TTN: variants seen among roughly 807,000 people sequenced by gnomAD.
The protein encoded by TTN is connectin.
In TTN, 1,525 loss-of-function variants were observed where a neutral mutation model predicts 3,223.0. The observed-to-expected ratio is 0.47, with a 90% CI of 0.45 to 0.49. TTN has a LOEUF of 0.49. Ranked by LOEUF, TTN falls within the 20% of genes least tolerant of loss-of-function variation. The pLI is 0.00. For synonymous variants in TTN, 14,094 were observed against 15,161.0 expected (o/e 0.93, Z 5.17); for missense variants, 40,786 against 43,424.0 (o/e 0.94, Z 5.40).
Position 178,713,936 on chromosome 2 carries a change from C to T in TTN, c.26722G>A (p.Val8908Ile). The T allele has an allele frequency of 6.2e-7, 1 of 1,613,650 alleles. No homozygotes were observed. Among genetic ancestry groups the T allele is most frequent in the Non-Finnish European group, 8.5e-7 (1 of 1,179,678 alleles). ...GVYSFEVQNP[V>I]GKDSCTASLQ... ...GAAGCTGTGCAGCTGTCTTTGCCAA[C>T]AGGGTTCTGCACCTCAAAACTGTAT... Residue 8908 changes from valine to isoleucine, a missense_variant, in exon 92 of 363, where the codon GTT becomes ATT. Coordinates refer to ENST00000589042, the MANE Select transcript of TTN (RefSeq NM_001267550.2).
Position 178,653,059 on chromosome 2 carries a change from C to T in TTN, c.38857G>A (p.Glu12953Lys). ...CAAATACCTTTAACAGGTGGGACTT[C>T]AGGTTTTTTAGGAGGAGTCACTGGC... ...KVPVTPPKKP[E>K]VPPVKVPEAP... Residue 12953 changes from glutamate (E) to lysine (K), a missense_variant, in exon 199 of 363, where the codon GAA becomes AAA. Physicochemically the swap from Glu to Lys is moderately conservative, Grantham distance 56. Coordinates refer to ENST00000589042, the MANE Select transcript of TTN (RefSeq NM_001267550.2). 2 of 1,613,336 alleles carry T rather than the reference C, an allele frequency of 1.2e-6. No homozygotes were observed. Among genetic ancestry groups the T allele is most frequent in the Non-Finnish European group, 1.7e-6 (2 of 1,179,558 alleles).
At chr2:178,715,933 A>C (rs1377400169) in intron 88 of TTN, among the ~76,000 whole-genome samples, 159 bp from the exon 89 acceptor site, 1 of 152,164 alleles carries the variant, frequency 6.6e-6, no homozygotes, top group East Asian at 1.9e-4. Context: ...CTAAATAGAA[A>C]ATTTCTAAAA....
At position 178,567,911 on chromosome 2, in the gene TTN, C is replaced by T; in HGVS notation, c.78221G>A (p.Gly26074Asp). ...RVYAENIVGVGKASKNSECYV... is the reference protein window; with the variant it reads ...RVYAENIVGVDKASKNSECYV... ...GCATTCAGAATTCTTGCTTGCTTTGCCTACACCAACAATATTTTCAGCATA... is the reference window on the plus strand; with the variant it reads ...GCATTCAGAATTCTTGCTTGCTTTGTCTACACCAACAATATTTTCAGCATA... The change falls in exon 326 of 363, where the codon GGC becomes GAC. Residue 26074 changes from glycine (G) to aspartate (D), a missense_variant. Coordinates refer to ENST00000589042, the MANE Select transcript of TTN (RefSeq NM_001267550.2). 1 of 1,613,502 alleles carries T rather than the reference C, an allele frequency of 6.2e-7. No individual in the cohort carries two copies. The highest frequency in any genetic ancestry group is 8.5e-7 in the Non-Finnish European group (1 of 1,179,580).
rs1433228812 is a variant in TTN, at chr2:178,556,922, A to T, written c.88232T>A (p.Phe29411Tyr). 6.2e-7 allele frequency: 1 copy of T among 1,613,860 alleles called. No homozygotes were observed. The highest frequency in any genetic ancestry group is 2.2e-5 in the East Asian group (1 of 44,798). Reference sequence around the variant, plus strand: ...AATGGAACCAACAGCATTCCTAGCAAAGACACGGAATTCATACTGGGAATT... The same window carrying T: ...AATGGAACCAACAGCATTCCTAGCATAGACACGGAATTCATACTGGGAATT... ...TQNSQYEFRV[F>Y]ARNAVGSISN... The change falls in exon 330 of 363, where the codon TTT becomes TAT. Residue 29411 changes from phenylalanine to tyrosine, a missense_variant. Coordinates refer to ENST00000589042, the MANE Select transcript of TTN (RefSeq NM_001267550.2).
chr2:178,579,382 G>A lies in TTN; in HGVS notation c.67648C>T (p.Leu22550Phe). The A allele has an allele frequency of 1.9e-6, 3 of 1,568,036 alleles. No individual in the cohort carries two copies. Among genetic ancestry groups the A allele is most frequent in the Non-Finnish European group, 1.7e-6 (2 of 1,163,858 alleles). The change falls in exon 320 of 363, where the codon CTT (leucine) becomes TTT (phenylalanine). Residue 22550 changes from leucine to phenylalanine, a missense_variant. Leu to Phe is a conservative substitution (Grantham distance 22). Transcript: ENST00000589042. The stretch of plus-strand genomic sequence containing the variant: ...AAATCAGGTAGACCCTTTAAGTCAA[G>A]ATCAGGAGCCACTGTAAAATAGCAG... ...VARDDVVAPDLDLKGLPDLCY... is the reference protein window; with the variant it reads ...VARDDVVAPDFDLKGLPDLCY...
chr2:178,755,062 C>T lies in TTN; in HGVS notation c.11254+1160G>A, dbSNP rs894452228. On this transcript the variant is annotated intron_variant, in intron 46 of 362. Transcript: ENST00000589042. ...TTGAGGCCAGAGCTTTCCACAGACC[C>T]CTGGAGATGCCTGAATTTATTCCAC... Among the ~76,000 whole-genome samples, 55 of 152,158 alleles carry T rather than the reference C, an allele frequency of 3.6e-4. 1 individual carries two copies. The highest frequency in any genetic ancestry group is 1.3e-3 in the African/African-American group (53 of 41,538).
Position 178,602,019 on chromosome 2 carries a change from C to T in TTN, c.55252G>A (p.Ala18418Thr), listed in dbSNP as rs536719544. ...PKSSWEFDGK[A>T]KKAMKDGVHD... is the part of the protein sequence containing the mutation. Reference sequence around the variant, plus strand: ...TTTCCTACCTTCATTGCTTTCTTTGCCTTTCCATCAAATTCCCAAGATGAT... The same window carrying T: ...TTTCCTACCTTCATTGCTTTCTTTGTCTTTCCATCAAATTCCCAAGATGAT... The change falls in exon 284 of 363, where the codon GCA (alanine) becomes ACA (threonine). Residue 18418 changes from alanine (A) to threonine (T), a missense_variant. Ala to Thr is a moderately conservative substitution (Grantham distance 58). Transcript: ENST00000589042. The T allele has an allele frequency of 1.9e-6, 3 of 1,612,700 alleles. No individual in the cohort carries two copies. In the East Asian group the frequency reaches 6.7e-5, roughly 36 times the overall value.
chr2:178,712,319 T>A lies in TTN; in HGVS notation c.27603A>T (p.Ile9201=). 1.9e-6 allele frequency: 3 copies of A among 1,612,708 alleles called. No homozygotes were observed. Among genetic ancestry groups the A allele is most frequent in the Non-Finnish European group, 2.5e-6 (3 of 1,178,940 alleles). Residue 9201 remains isoleucine, a synonymous_variant, in exon 95 of 363, where the codon ATA becomes ATT. Transcript: ENST00000589042. Reference sequence around the variant, plus strand: ...AAATGTGCAATCATGACAAACCTAGTATGAGTATTTGTGCTGAACAGGAAT... The same window carrying A: ...AAATGTGCAATCATGACAAACCTAGAATGAGTATTTGTGCTGAACAGGAAT... ...GKDSCSAQIL[I]LEPPYFVKQL... is the part of the protein sequence containing the mutation.
Position 178,632,225 on chromosome 2 carries a change from C to A in TTN, c.43669G>T (p.Asp14557Tyr). 6.2e-7 allele frequency: 1 copy of A among 1,607,668 alleles called. No homozygotes were observed. Among genetic ancestry groups the A allele is most frequent in the Non-Finnish European group, 8.5e-7 (1 of 1,176,864 alleles). Residue 14557 changes from aspartate to tyrosine, a missense_variant, in exon 236 of 363, where the codon GAC (aspartate) becomes TAC (tyrosine). Coordinates refer to ENST00000589042, the MANE Select transcript of TTN (RefSeq NM_001267550.2). ...TGGGAGGTGTCATCAATAGACAGGT[C>A]TTTGAATGTGATCGAATGAGTTTTC... ...EGKTHSITFK[D>Y]LSIDDTSQIR...
chr2:178,716,391 T>C (rs2077484632), intron 88 of TTN, among the ~76,000 whole-genome samples: 2 of 152,190 alleles, frequency 1.3e-5, no homozygotes, highest in South Asian at 4.1e-4. Context: ...TAGCTATATG[T>C]CATAGAGCAA....
intron 45 of TTN, 85 bp from the exon 46 acceptor site, chr2:178,756,882 T>C: frequency 8.0e-7 from 1 of 1,247,960 alleles, no homozygotes; most frequent in Non-Finnish European, 1.1e-6. Flanking sequence ...CAAAATGGCA[T>C]GGAAGATGAA....
Position 178,538,977 on chromosome 2 carries a change from A to G in TTN, c.98958T>C (p.Ala32986=). The change falls in exon 353 of 363, where the codon GCT becomes GCC. Residue 32986 remains alanine (A), a synonymous_variant. Coordinates refer to ENST00000589042, the MANE Select transcript of TTN (RefSeq NM_001267550.2). ...NDVGLSETSP[A]SEPVVCKDPF... ...GATCTTTGCAAACAACTGGTTCAGA[A>G]GCAGGGCTGGTCTCACTCAGGCCAA... 6.2e-7 allele frequency: 1 copy of G among 1,611,120 alleles called. No homozygotes were observed. Among genetic ancestry groups the G allele is most frequent in the Non-Finnish European group, 8.5e-7 (1 of 1,177,506 alleles).
chr2:178,671,934 A>G (rs775853645), intron 155 of TTN, 37 bp downstream of exon 155: 3 of 1,570,988 alleles, frequency 1.9e-6, no homozygotes, highest in Non-Finnish European at 2.6e-6. Context: ...TTAGAGCAAG[A>G]TATAAGAATT....
chr2:178,789,616 G>C, intron 12 of TTN, 119 bp from the exon 13 acceptor site: 2 of 1,337,514 alleles, frequency 1.5e-6, no homozygotes, highest in Non-Finnish European at 2.1e-6. Flanking sequence ...ATACACAAGA[G>C]AAATAAACTT....
chr2:178,531,160 G>A lies in TTN; in HGVS notation c.105455C>T (p.Thr35152Ile). 6.2e-7 allele frequency: 1 copy of A among 1,613,950 alleles called. No homozygotes were observed. The highest frequency in any genetic ancestry group is 8.5e-7 in the Non-Finnish European group (1 of 1,179,876). The part of the protein sequence containing the change: ...EGESARFSCD[T>I]DGEPVPTVTW... The stretch of plus-strand genomic sequence containing the variant: ...CACAGTTGGTACCGGCTCACCATCG[G>A]TGTCACAAGAAAACCTTGCAGACTC... Residue 35152 changes from threonine (T) to isoleucine (I), a missense_variant, in exon 358 of 363, where the codon ACC (threonine) becomes ATC (isoleucine). Physicochemically the swap from Thr to Ile is moderately conservative, Grantham distance 89. Transcript: ENST00000589042.
In TTN at chr2:178,717,773, T is replaced by C; in HGVS notation, c.25101A>G (p.Lys8367=). 1 of 1,608,604 alleles carries C rather than the reference T, an allele frequency of 6.2e-7. No homozygotes were observed. The highest frequency in any genetic ancestry group is 8.5e-7 in the Non-Finnish European group (1 of 1,177,326). ...KLPPFFARKL[K]DVHETLGFPV... ...GGAAGCCTAGAGTCTCATGAACGTC[T>C]TTCAGTTTTCTTGCAAAGAAAGGTG... Residue 8367 remains lysine (K), a synonymous_variant, in exon 87 of 363, where the codon AAA becomes AAG. Coordinates refer to ENST00000589042, the MANE Select transcript of TTN (RefSeq NM_001267550.2).
rs878912840 is a variant in TTN, at chr2:178,622,738, T to C, written c.44845A>G (p.Thr14949Ala). ...PPHVEFLRPL[T>A]DLQVREKEMA... ...TCTTTTTCTCTAACTTGAAGGTCGG[T>C]GAGTGGTCTTAAGAATTCCACATGA... is the stretch of plus-strand genomic sequence containing the variant. The change falls in exon 243 of 363, where the codon ACC becomes GCC. Residue 14949 changes from threonine to alanine, a missense_variant. By Grantham distance (58) the Thr-to-Ala change is moderately conservative (BLOSUM62 0). Coordinates refer to ENST00000589042, the MANE Select transcript of TTN (RefSeq NM_001267550.2). The C allele has an allele frequency of 6.2e-7, 1 of 1,604,872 alleles. No individual in the cohort carries two copies. Among genetic ancestry groups the C allele is most frequent in the Non-Finnish European group, 8.5e-7 (1 of 1,175,630 alleles).
intron 43 of TTN, among the ~76,000 whole-genome samples, chr2:178,762,329 A>T (rs2089424810): frequency 6.6e-6 from 1 of 152,246 alleles, no homozygotes; most frequent in South Asian, 2.1e-4. Flanking sequence ...ATATTACCAC[A>T]CATAGGAAGT....
Position 178,646,049 on chromosome 2 carries a change from AG to A in TTN, c.40298-20del. On this transcript the variant is annotated intron_variant, in intron 216 of 362. Coordinates refer to ENST00000589042, the MANE Select transcript of TTN (RefSeq NM_001267550.2). ...TCAGGTTCTTGAAAGAGTATTTCAG[AG>A]GTGTTAGTATATGTATATGTTAGCA... 3.4e-6 allele frequency: 5 copies of A among 1,454,950 alleles called. No homozygotes were observed. The highest frequency in any genetic ancestry group is 4.6e-6 in the Non-Finnish European group (5 of 1,092,252). 90.1% of individuals were successfully genotyped at this position (1,454,950 alleles called of 1,614,324 possible). A position where few individuals can be genotyped will look rare whatever the true frequency, so the allele number is the denominator to read the frequency against.
Sources: gnomAD v4.1 joint callset for allele counts (sites outside exome capture counted in the v4.1 genomes callset) on GRCh38, gnomAD v4.1.1 for gene constraint, MANE v1.5 for transcripts, NCBI Gene and HGNC (gene_info 2026-07-23, HGNC 2026-07-21) for gene names.